The following TMEM74 variants were observed in gnomAD, a reference collection of about 807,000 sequenced individuals.
TMEM74 encodes the protein transmembrane protein 74.
In TMEM74, 13 loss-of-function variants were observed where a neutral mutation model predicts 18.1. That is an observed-to-expected ratio of 0.72 (90% CI 0.47 to 1.14). TMEM74 has a LOEUF of 1.14. Ranked by LOEUF, TMEM74 falls within the 50% of genes most tolerant of loss-of-function variation. The pLI is 0.00. For missense variants in TMEM74, 372 were observed against 375.9 expected (o/e 0.99, Z 0.09); for synonymous variants, 159 against 146.6 (o/e 1.08, Z -0.61).
chr8:108,706,266 A>G (rs771462921), intron 1 of TMEM74, among the ~76,000 whole-genome samples: 1 of 152,240 alleles, frequency 6.6e-6, no homozygotes, highest in Non-Finnish European at 1.5e-5. Context: ...TTTAATTTAT[A>G]AAAATTCAAA....
chr8:108,698,035 C>T (rs1277575373), intron 1 of TMEM74, among the ~76,000 whole-genome samples: 2 of 152,066 alleles, frequency 1.3e-5, no homozygotes, highest in Non-Finnish European at 2.9e-5. Flanking sequence ...TTTTTTTCCT[C>T]CTTAATCACG....
chr8:108,764,715 A>T (rs1479658372), intron 1 of TMEM74, among the ~76,000 whole-genome samples: 3 of 152,126 alleles, frequency 2.0e-5, no homozygotes, highest in Non-Finnish European at 4.4e-5. Context: ...AGGGAATATG[A>T]GCTTGAACTG....
intron 1 of TMEM74, among the ~76,000 whole-genome samples, chr8:108,750,899 G>T (rs993443021): frequency 6.6e-6 from 1 of 152,048 alleles, no homozygotes; most frequent in African/African-American, 2.4e-5. Context: ...TTTTCCATTT[G>T]TCTCTTTCCT....
intron 1 of TMEM74, among the ~76,000 whole-genome samples, chr8:108,688,216 C>T (rs1813191241): frequency 1.3e-5 from 2 of 152,176 alleles, no homozygotes; most frequent in Non-Finnish European, 2.9e-5. Flanking sequence ...CCTGGCTCTA[C>T]ATTTCTGAAG....
At chr8:108,755,117 A>G (rs1398533022) in intron 1 of TMEM74, among the ~76,000 whole-genome samples, 2 of 152,106 alleles carry the variant, frequency 1.3e-5, no homozygotes, top group South Asian at 2.1e-4. Context: ...AAAATTTACC[A>G]TGACAGTGAT....
chr8:108,615,191 A>G (rs554056646), intron 2 of TMEM74, among the ~76,000 whole-genome samples: 11 of 152,210 alleles, frequency 7.2e-5, no homozygotes, highest in Non-Finnish European at 1.6e-4. Context: ...GAGGGACGGA[A>G]GCTACAGAGA....
At chr8:108,739,395 A>G (rs1006733909) in intron 1 of TMEM74, among the ~76,000 whole-genome samples, 2 of 152,238 alleles carry the variant, frequency 1.3e-5, no homozygotes, top group African/African-American at 2.4e-5. Context: ...GCTGTATTTT[A>G]GGAGGCAGAC....
intron 1 of TMEM74, among the ~76,000 whole-genome samples, chr8:108,656,746 T>C (rs1177947475): frequency 6.6e-6 from 1 of 152,116 alleles, no homozygotes; most frequent in Non-Finnish European, 1.5e-5. Flanking sequence ...ATTTTTGCCA[T>C]GTAGGTAACA....
At chr8:108,646,215 CT>C (rs1487812604) in intron 2 of TMEM74, among the ~76,000 whole-genome samples, 1 of 151,674 alleles carries the variant, frequency 6.6e-6, no homozygotes, top group Non-Finnish European at 1.5e-5. Flanking sequence ...TAAATATACA[CT>C]TTAGGACAAG....
intron 1 of TMEM74, among the ~76,000 whole-genome samples, chr8:108,675,286 T>G (rs1219375193): frequency 6.6e-6 from 1 of 152,172 alleles, no homozygotes; most frequent in African/African-American, 2.4e-5. Context: ...AGTATCTTCT[T>G]CTGGGAGACC....
At chr8:108,666,758 G>A (rs1384724814) in intron 1 of TMEM74, among the ~76,000 whole-genome samples, 1 of 152,054 alleles carries the variant, frequency 6.6e-6, no homozygotes, top group Non-Finnish European at 1.5e-5. Context: ...GGGTTTTAAA[G>A]GCCCAGTGGC....
intron 1 of TMEM74, among the ~76,000 whole-genome samples, chr8:108,703,330 G>A (rs1476491190): frequency 6.6e-6 from 1 of 152,166 alleles, no homozygotes; most frequent in East Asian, 1.9e-4. Flanking sequence ...ATATTAAGAT[G>A]AAGATCAACC....
At chr8:108,746,200 C>A (rs1445045768) in intron 1 of TMEM74, among the ~76,000 whole-genome samples, 4 of 152,146 alleles carry the variant, frequency 2.6e-5, no homozygotes, top group African/African-American at 9.7e-5. Flanking sequence ...CAAGGAAAAT[C>A]ATTTAAGAGG....
chr8:108,658,669 C>A (rs546468088), intron 1 of TMEM74, among the ~76,000 whole-genome samples: 4 of 152,152 alleles, frequency 2.6e-5, no homozygotes, highest in Non-Finnish European at 1.5e-5. Flanking sequence ...AGCTTTGCAG[C>A]CAAGCAAATG....
rs1343672224 is a variant in TMEM74 at position 108,780,778 on chromosome 8, T to G, written c.*3403A>C. Reference sequence around the variant, plus strand: ...AACTTCATGGTTCCAAGCAGTCTTGTCTTCCTGTAAACTATAAATCACCTA... The same window carrying G: ...AACTTCATGGTTCCAAGCAGTCTTGGCTTCCTGTAAACTATAAATCACCTA... On this transcript the variant is annotated 3_prime_UTR_variant, in exon 2 of 2. Coordinates refer to ENST00000297459, the MANE Select transcript of TMEM74 (RefSeq NM_153015.3). 6.6e-6 allele frequency among the ~76,000 whole-genome samples: 1 copy of G among 152,124 alleles called. No individual in the cohort carries two copies. The highest frequency in any genetic ancestry group is 2.4e-5 in the African/African-American group (1 of 41,434).
At chr8:108,657,859 A>AATATATATAT (rs1175396487) in intron 1 of TMEM74, among the ~76,000 whole-genome samples, 10 of 49,882 alleles carry the variant, frequency 2.0e-4, no homozygotes, top group Non-Finnish European at 2.4e-4. Context: ...AAAAAAAAAA[A>AATATATATAT]ATATATATAT....
At position 108,784,445 on chromosome 8, in the gene TMEM74, C is replaced by T; in HGVS notation, c.654G>A (p.Glu218=). ...TVAAREMERL[E]KESARLGAHL... ...GAGCCCCCAGCCTCGCACTCTCCTTCTCCAGGCGCTCCATCTCCCGGGCTG... is the reference window on the plus strand; with the variant it reads ...GAGCCCCCAGCCTCGCACTCTCCTTTTCCAGGCGCTCCATCTCCCGGGCTG... The change falls in exon 2 of 2, where the codon GAG becomes GAA. Residue 218 remains glutamate (E), a synonymous_variant. Transcript: ENST00000297459. The T allele has an allele frequency of 6.2e-7, 1 of 1,614,216 alleles. No individual in the cohort carries two copies. Among genetic ancestry groups the T allele is most frequent in the Non-Finnish European group, 8.5e-7 (1 of 1,180,050 alleles).
chr8:108,761,145 T>C (rs1446396894), intron 1 of TMEM74, among the ~76,000 whole-genome samples: 1 of 152,140 alleles, frequency 6.6e-6, no homozygotes, highest in Non-Finnish European at 1.5e-5. Context: ...CCAGTATAAC[T>C]GAAACTAAAT....
chr8:108,637,747 G>T (rs1285239966), intron 2 of TMEM74, among the ~76,000 whole-genome samples: 1 of 152,170 alleles, frequency 6.6e-6, no homozygotes, highest in East Asian at 1.9e-4. Flanking sequence ...CTGACCTCTA[G>T]AAATGTAAAA....
Sources: allele counts gnomAD v4.1 joint callset (sites outside exome capture counted in the v4.1 genomes callset), GRCh38; gene constraint gnomAD v4.1.1; transcripts MANE v1.5; gene names NCBI Gene and HGNC (gene_info 2026-07-23, HGNC 2026-07-21).